Variants in PRKN observed in about 807,000 individuals in gnomAD.
PRKN encodes the protein E3 ubiquitin-protein ligase parkin.
PRKN carries 56 observed loss-of-function variants against 59.5 expected under a neutral mutation model. That is an observed-to-expected ratio of 0.94 (90% CI 0.76 to 1.18). PRKN has a LOEUF of 1.18. PRKN is among the 50% of genes most tolerant of loss of function. The probability of loss-of-function intolerance (pLI) is 0.00; values close to 1 mark genes in which losing one functional copy is unlikely to be tolerated. For synonymous variants in PRKN, 250 were observed against 222.1 expected, an observed-to-expected ratio of 1.13 and a Z score of -1.12; for missense variants, 657 against 596.4, an observed-to-expected ratio of 1.10 and a Z score of -1.06.
chr6:162,468,000 C>T (rs564495351), intron 1 of PRKN, among the ~76,000 whole-genome samples: 1 of 152,166 alleles, frequency 6.6e-6, no homozygotes, highest in Non-Finnish European at 1.5e-5. Flanking sequence ...CTTCCTGTGA[C>T]CACCCTAATT....
intron 6 of PRKN, among the ~76,000 whole-genome samples, chr6:161,825,618 C>A (rs369013292): frequency 6.6e-6 from 1 of 152,168 alleles, no homozygotes; most frequent in Non-Finnish European, 1.5e-5. Context: ...CGCTCTACTC[C>A]CAAGCTTGAA....
In PRKN at chr6:161,354,597, T is replaced by C. The variant is rs1784681574; in HGVS notation, c.1286-4386A>G. 6.6e-6 allele frequency among the ~76,000 whole-genome samples: 1 copy of C among 152,180 alleles called. No homozygotes were observed. The highest frequency in any genetic ancestry group is 2.4e-5 in the African/African-American group (1 of 41,450). ...TAGGAGAAAGTACCAGGGTTTAGCC[T>C]GTGCTTAAAATGGAAATTCCTCGCA... On this transcript the variant is annotated intron_variant, in intron 11 of 11. Coordinates refer to ENST00000366898, the MANE Select transcript of PRKN (RefSeq NM_004562.3). The surrounding 1 kb of genome is among the most constrained non-coding windows in gnomAD (Gnocchi z 6.7).
intron 6 of PRKN, among the ~76,000 whole-genome samples, chr6:161,805,553 T>C (rs921693330): frequency 6.6e-6 from 1 of 152,034 alleles, no homozygotes; most frequent in Non-Finnish European, 1.5e-5. Context: ...GATCCTGTCT[T>C]TACTATTTCC....
At chr6:161,520,921 C>T (rs1215675800) in intron 9 of PRKN, among the ~76,000 whole-genome samples, 1 of 152,190 alleles carries the variant, frequency 6.6e-6, no homozygotes, top group Non-Finnish European at 1.5e-5. Context: ...CCCATAAATG[C>T]TTCTTGAAAT....
Position 161,349,551 on chromosome 6 carries a change from G to GA in PRKN, c.*547dup, listed in dbSNP as rs1784440148. The GA allele has an allele frequency of 4.3e-6, 1 of 234,588 alleles. No homozygotes were observed. Among genetic ancestry groups the GA allele is most frequent in the Non-Finnish European group, 8.4e-6 (1 of 118,986 alleles). The allele number at this position is 234,588 out of a possible 1,614,324, so 14.5% of individuals were successfully genotyped here. ...GGTTCTTTGGGAATAGATGCTTTCT[G>GA]AAAATTTAAATAAGAACATTACTGT... On this transcript the variant is annotated 3_prime_UTR_variant, in exon 12 of 12. Transcript: ENST00000366898. The surrounding 1 kb of genome is among the most constrained non-coding windows in gnomAD (Gnocchi z 5.5).
intron 5 of PRKN, among the ~76,000 whole-genome samples, chr6:162,010,350 C>A (rs1429816238): frequency 9.2e-6 from 1 of 108,554 alleles, no homozygotes; most frequent in Non-Finnish European, 1.7e-5. Context: ...AAATAATATA[C>A]ATTTATTATA....
At chr6:161,881,779 G>C (rs1360963725) in intron 6 of PRKN, among the ~76,000 whole-genome samples, 7 of 152,204 alleles carry the variant, frequency 4.6e-5, no homozygotes, top group Admixed American at 2.0e-4. Context: ...ATTGGACTCA[G>C]AAAGGGCAAC....
At chr6:162,297,930 A>G (rs998743638) in intron 2 of PRKN, among the ~76,000 whole-genome samples, 5 of 152,154 alleles carry the variant, frequency 3.3e-5, no homozygotes, top group African/African-American at 1.2e-4. Context: ...CAGTAGTTAC[A>G]ACAAGCAAAA....
intron 6 of PRKN, among the ~76,000 whole-genome samples, chr6:161,938,400 A>T (rs554369506): frequency 6.6e-6 from 1 of 152,346 alleles, no homozygotes; most frequent in Non-Finnish European, 1.5e-5. Flanking sequence ...AGCAATTTTA[A>T]AACACAATTT....
chr6:162,369,735 G>C (rs1447731049), intron 2 of PRKN, among the ~76,000 whole-genome samples: 2 of 152,080 alleles, frequency 1.3e-5, no homozygotes, highest in Non-Finnish European at 2.9e-5. Flanking sequence ...CCAACAACAG[G>C]GTAGCTGATG....
At chr6:162,670,868 A>C (rs186704588) in intron 1 of PRKN, among the ~76,000 whole-genome samples, 1 of 152,338 alleles carries the variant, frequency 6.6e-6, no homozygotes, top group East Asian at 1.9e-4. Flanking sequence ...ATAGGTAGGC[A>C]ATTTTTATAC....
intron 2 of PRKN, among the ~76,000 whole-genome samples, chr6:162,307,699 A>T (rs1453797209): frequency 6.6e-6 from 1 of 152,182 alleles, no homozygotes; most frequent in Admixed American, 6.5e-5. Context: ...TGGAGACATG[A>T]CCTTCACAGA....
At chr6:161,982,015 T>C (rs1459379563) in intron 5 of PRKN, among the ~76,000 whole-genome samples, 1 of 152,196 alleles carries the variant, frequency 6.6e-6, no homozygotes, top group East Asian at 1.9e-4. Flanking sequence ...ATGGTACATG[T>C]CTTCAAGAAG....
At chr6:162,134,049 G>T (rs969118831) in intron 4 of PRKN, among the ~76,000 whole-genome samples, 1 of 152,154 alleles carries the variant, frequency 6.6e-6, no homozygotes, top group Non-Finnish European at 1.5e-5. Context: ...TGTCTGATAC[G>T]AATGAATTAC....
At chr6:162,250,907 T>A (rs4708946) in intron 3 of PRKN, among the ~76,000 whole-genome samples, 19,503 of 151,082 alleles carry the variant, frequency 0.13, 1,388 homozygotes, top group South Asian at 0.26. Context: ...TTGGGTTTTT[T>A]AGCAAAATTA....
At chr6:162,339,243 TGGG>T (rs1196462167) in intron 2 of PRKN, among the ~76,000 whole-genome samples, 1 of 86,194 alleles carries the variant, frequency 1.2e-5, no homozygotes, top group African/African-American at 4.5e-5. Flanking sequence ...AGGGAGGTGG[TGGG>T]GGTCAGCCCC....
At chr6:161,540,826 A>C (rs1779590387) in intron 9 of PRKN, among the ~76,000 whole-genome samples, 1 of 152,186 alleles carries the variant, frequency 6.6e-6, no homozygotes, top group Non-Finnish European at 1.5e-5. Context: ...AATTGGTTTA[A>C]TCTGGCTTAC....
chr6:161,845,894 A>T (rs1463730255), intron 6 of PRKN, among the ~76,000 whole-genome samples: 1 of 152,190 alleles, frequency 6.6e-6, no homozygotes, highest in Admixed American at 6.5e-5. Flanking sequence ...TGTCAATCCG[A>T]CACGAAGAGG....
At chr6:161,764,664 TTTCTGTAA>T (rs1255714802) in intron 7 of PRKN, among the ~76,000 whole-genome samples, 2 of 152,212 alleles carry the variant, frequency 1.3e-5, no homozygotes, top group East Asian at 3.8e-4. Context: ...ATTAGGGTGT[TTTCTGTAA>T]TATGAATAAT....
Sources: gnomAD v4.1 joint callset for allele counts (sites outside exome capture counted in the v4.1 genomes callset) on GRCh38, gnomAD v4.1.1 for gene constraint, Gnocchi (gnomAD v3.1) non-coding constraint, MANE v1.5 for transcripts, NCBI Gene and HGNC (gene_info 2026-07-23, HGNC 2026-07-21) for gene names.